Variants in CCDC91 observed in about 807,000 individuals in gnomAD.
The protein encoded by CCDC91 is coiled-coil domain containing 91.
CCDC91 carries 48 observed loss-of-function variants against 63.2 expected under a neutral mutation model. That is an observed-to-expected ratio of 0.76 (90% CI 0.60 to 0.97). The LOEUF (loss-of-function observed/expected upper bound fraction) is 0.97, where lower values mean the gene tolerates loss of function less well. Ranked by LOEUF, CCDC91 falls within the 50% of genes least tolerant of loss-of-function variation. The pLI, the probability that CCDC91 is intolerant of heterozygous loss-of-function variation, is 0.00. For synonymous variants in CCDC91, 167 were observed against 165.8 expected (o/e 1.01, Z -0.06); for missense variants, 500 against 494.6 (o/e 1.01, Z -0.10).
At chr12:28,269,132 A>G (rs1375643351) in intron 3 of CCDC91, among the ~76,000 whole-genome samples, 1 of 152,050 alleles carries the variant, frequency 6.6e-6, no homozygotes, top group East Asian at 1.9e-4. Flanking sequence ...GCTAATGTGT[A>G]TTTTAAATGA....
intron 1 of CCDC91, chr12:28,198,952 C>T (rs552634685): frequency 1.5e-4 from 23 of 150,272 alleles, no homozygotes; most frequent in Admixed American, 8.0e-4. Context: ...GAGACAGAAT[C>T]GCCTAAGCTG....
chr12:28,447,423 C>T, intron 8 of CCDC91, among the ~76,000 whole-genome samples: 1 of 151,774 alleles, frequency 6.6e-6, no homozygotes. Flanking sequence ...GATATTTTCA[C>T]TTCTTTATAT....
At chr12:28,505,974 G>A (rs1469270118) in intron 12 of CCDC91, among the ~76,000 whole-genome samples, 1 of 152,014 alleles carries the variant, frequency 6.6e-6, no homozygotes, top group African/African-American at 2.4e-5. Flanking sequence ...TTCACTGTAT[G>A]TGGATGTGTA....
intron 6 of CCDC91, among the ~76,000 whole-genome samples, chr12:28,342,658 G>C (rs1352031290): frequency 6.6e-6 from 1 of 152,036 alleles, no homozygotes; most frequent in Non-Finnish European, 1.5e-5. Context: ...GATGGGGAGA[G>C]CAATACCCCT....
chr12:28,421,436 C>T (rs1948002672), intron 8 of CCDC91, among the ~76,000 whole-genome samples: 1 of 152,024 alleles, frequency 6.6e-6, no homozygotes, highest in South Asian at 2.1e-4. Context: ...GTTTAGCTCC[C>T]ACTTAGAAGT....
intron 12 of CCDC91, among the ~76,000 whole-genome samples, chr12:28,489,540 T>A (rs1231020714): frequency 1.3e-5 from 2 of 151,882 alleles, no homozygotes; most frequent in Non-Finnish European, 1.5e-5. Context: ...CAAGCAGTGA[T>A]TCCTAAAAAA....
rs369275634 is a variant in CCDC91, at chr12:28,339,839, T to C, written c.577-22599T>C. On this transcript the variant is annotated intron_variant, in intron 6 of 12. Coordinates refer to ENST00000536442, the MANE Select transcript of CCDC91 (RefSeq NM_018318.5). ...GTTTGAATCTCACTTCAACCAGCAG[T>C]GGGGCATGTTGTTTACTCTTAATGA... is the stretch of plus-strand genomic sequence containing the variant. Among the ~76,000 whole-genome samples, 8 of 152,272 alleles carry C rather than the reference T, an allele frequency of 5.3e-5. No homozygotes were observed. In the East Asian group the frequency reaches 1.2e-3, roughly 22 times the overall value.
At chr12:28,346,578 A>AT (rs1256693437) in intron 6 of CCDC91, among the ~76,000 whole-genome samples, 3 of 152,036 alleles carry the variant, frequency 2.0e-5, no homozygotes, top group East Asian at 1.9e-4. Flanking sequence ...TTGCTTTTTT[A>AT]TTTTTTTATA....
intron 12 of CCDC91, among the ~76,000 whole-genome samples, chr12:28,532,319 A>G (rs986901865): frequency 6.6e-6 from 1 of 152,124 alleles, no homozygotes; most frequent in Admixed American, 6.6e-5. Flanking sequence ...TGGATTTACA[A>G]TGGAGTAGTC....
intron 12 of CCDC91, among the ~76,000 whole-genome samples, chr12:28,487,635 T>G (rs993474907): frequency 1.8e-4 from 28 of 151,598 alleles, no homozygotes. Flanking sequence ...AAAATTTTCC[T>G]TTCCCTTCTC....
rs575991136 is a variant in CCDC91 at position 28,420,757 on chromosome 12, GT to G, written c.762+29358del. Among the ~76,000 whole-genome samples, 1,058 of 142,278 alleles carry G rather than the reference GT, an allele frequency of 7.4e-3. 4 individuals are homozygous for G. The highest frequency in any genetic ancestry group is 0.01 in the Non-Finnish European group (663 of 64,596). The allele number at this position is 142,278 out of a possible 152,430, so 93.3% of individuals were successfully genotyped here. ...CAGTGTTGCAGGTGTGCATTTTATG[GT>G]TTTTTTTTTTTCAGTAGCTTGAAAA... On this transcript the variant is annotated intron_variant, in intron 8 of 12. Coordinates refer to ENST00000536442, the MANE Select transcript of CCDC91 (RefSeq NM_018318.5).
intron 11 of CCDC91, among the ~76,000 whole-genome samples, chr12:28,482,644 C>T (rs1464797081): frequency 4.0e-5 from 6 of 151,664 alleles, no homozygotes; most frequent in African/African-American, 1.2e-4. Context: ...TTCTAAAAAC[C>T]GATGAAAATA....
intron 7 of CCDC91, among the ~76,000 whole-genome samples, chr12:28,378,053 A>G (rs912953287): frequency 5.9e-5 from 9 of 151,990 alleles, no homozygotes; most frequent in Admixed American, 2.0e-4. Flanking sequence ...ATTAGGTACA[A>G]TGAAGTTTTA....
chr12:28,295,561 A>C (rs544397045), intron 3 of CCDC91, among the ~76,000 whole-genome samples: 1 of 152,202 alleles, frequency 6.6e-6, no homozygotes, highest in Non-Finnish European at 1.5e-5. Flanking sequence ...CCAATGTGAT[A>C]ATCTCAGGGT....
chr12:28,316,905 G>A (rs1939950391), intron 6 of CCDC91, among the ~76,000 whole-genome samples: 1 of 151,764 alleles, frequency 6.6e-6, no homozygotes, highest in South Asian at 2.1e-4. Context: ...TTTGTCCTCA[G>A]TGTCGGGCTT....
At chr12:28,268,315 G>A (rs1342584897) in intron 3 of CCDC91, among the ~76,000 whole-genome samples, 3 of 151,758 alleles carry the variant, frequency 2.0e-5, no homozygotes, top group Admixed American at 6.6e-5. Context: ...TGCCCACCTC[G>A]GCTTCCCAAA....
chr12:28,225,880 T>C (rs1471100353), intron 1 of CCDC91: 1 of 152,208 alleles, frequency 6.6e-6, no homozygotes, highest in East Asian at 1.9e-4. Flanking sequence ...AAGTGAAACA[T>C]AGTAATTCCT....
chr12:28,216,317 G>T (rs1451880323), intron 1 of CCDC91, among the ~76,000 whole-genome samples: 2 of 151,934 alleles, frequency 1.3e-5, no homozygotes, highest in Admixed American at 6.6e-5. Flanking sequence ...GCTTTTGTTG[G>T]TTCTTAGCTT....
At chr12:28,240,541 G>A (rs1439451251) in intron 1 of CCDC91, among the ~76,000 whole-genome samples, 5 of 152,034 alleles carry the variant, frequency 3.3e-5, no homozygotes, top group Non-Finnish European at 5.9e-5. Context: ...AGCAATTGAA[G>A]GAAAAACTCA....
Sources: gnomAD v4.1 joint callset for allele counts (sites outside exome capture counted in the v4.1 genomes callset) on GRCh38, gnomAD v4.1.1 for gene constraint, MANE v1.5 for transcripts, NCBI Gene and HGNC (gene_info 2026-07-23, HGNC 2026-07-21) for gene names.